Variants in IGSF11 observed in about 807,000 individuals in gnomAD.
The protein encoded by IGSF11 is immunoglobulin superfamily member 11.
Under a neutral mutation model 41.0 loss-of-function variants are expected in IGSF11, and 22 were observed. That is an observed-to-expected ratio of 0.54 (90% CI 0.38 to 0.77). The LOEUF (loss-of-function observed/expected upper bound fraction) is 0.77, where lower values mean the gene tolerates loss of function less well. Ranked by LOEUF, IGSF11 falls within the 30% of genes least tolerant of loss-of-function variation. The pLI is 0.00. For synonymous variants in IGSF11, 219 were observed against 201.3 expected, an observed-to-expected ratio of 1.09 and a Z score of -0.74; for missense variants, 444 against 530.8, an observed-to-expected ratio of 0.84 and a Z score of 1.61.
intron 1 of IGSF11, among the ~76,000 whole-genome samples, chr3:118,983,671 G>A (rs1481616372): frequency 1.3e-5 from 2 of 152,074 alleles, no homozygotes; most frequent in East Asian, 1.9e-4. Context: ...CAGACTCAGA[G>A]AGACTAAGTA....
At chr3:118,953,029 T>C (rs1367529024) in intron 1 of IGSF11, among the ~76,000 whole-genome samples, 1 of 152,044 alleles carries the variant, frequency 6.6e-6, no homozygotes, top group African/African-American at 2.4e-5. Context: ...ATCCAGTATG[T>C]AGTCTTTTAT....
intron 1 of IGSF11, among the ~76,000 whole-genome samples, chr3:118,952,302 G>C (rs1944631777): frequency 6.6e-6 from 1 of 152,118 alleles, no homozygotes; most frequent in African/African-American, 2.4e-5. Flanking sequence ...TGGCAACAGT[G>C]AAGTTTGCTA....
At chr3:119,000,299 A>C (rs1364750099) in intron 1 of IGSF11, among the ~76,000 whole-genome samples, 1 of 149,430 alleles carries the variant, frequency 6.7e-6, no homozygotes, top group Non-Finnish European at 1.5e-5. Flanking sequence ...CCATCTGTGC[A>C]CTCTTGATTC....
chr3:118,977,906 T>A (rs1934297597), intron 1 of IGSF11, among the ~76,000 whole-genome samples: 1 of 151,926 alleles, frequency 6.6e-6, no homozygotes, highest in Non-Finnish European at 1.5e-5. Context: ...CAGGCCCAGG[T>A]CAAGAGTCTA....
chr3:119,098,115 T>C (rs1001558362), intron 1 of IGSF11, among the ~76,000 whole-genome samples: 3 of 151,908 alleles, frequency 2.0e-5, no homozygotes, highest in Non-Finnish European at 4.4e-5. Context: ...GGTTTTCTTT[T>C]GGAGAACAAA....
In IGSF11 at chr3:119,056,203, A is replaced by G. The variant is rs193291904; in HGVS notation, c.49+48941T>C. On this transcript the variant is annotated intron_variant, in intron 1 of 6. Coordinates refer to the IGSF11 transcript ENST00000354673. ...CAGGAGCTGGTTTTTTGAAAAGATCAACAAAATTGATAGACTGCTAGCAAG... is the reference window on the plus strand; with the variant it reads ...CAGGAGCTGGTTTTTTGAAAAGATCGACAAAATTGATAGACTGCTAGCAAG... 2.9e-4 allele frequency among the ~76,000 whole-genome samples: 44 copies of G among 152,316 alleles called. 1 individual carries two copies. In the East Asian group the frequency reaches 8.1e-3, roughly 28 times the overall value.
intron 4 of IGSF11, among the ~76,000 whole-genome samples, chr3:118,910,048 A>C (rs1363792792): frequency 6.6e-6 from 1 of 152,200 alleles, no homozygotes; most frequent in African/African-American, 2.4e-5. Flanking sequence ...CAAAAGCTAC[A>C]AGCAAGACCA....
At chr3:119,133,762 A>T (rs2077517446) in intron 1 of IGSF11, among the ~76,000 whole-genome samples, 1 of 152,240 alleles carries the variant, frequency 6.6e-6, no homozygotes, top group Non-Finnish European at 1.5e-5. Context: ...GAAGAGACTC[A>T]ACAACAAAAA....
At chr3:118,983,358 C>CTTCT (rs1934937091) in intron 1 of IGSF11, 1 of 152,112 alleles carries the variant, frequency 6.6e-6, no homozygotes, top group Admixed American at 6.5e-5. Flanking sequence ...AGATTCAAAT[C>CTTCT]TAAGAAGTGT....
At position 118,901,489 on chromosome 3, in the gene IGSF11, G is replaced by C. The variant is rs1938848591; in HGVS notation, c.*1031C>G. On this transcript the variant is annotated 3_prime_UTR_variant, in exon 7 of 7. Transcript: ENST00000393775. Reference sequence around the variant, plus strand: ...TTAACTTCTACTTGTCAAATAAGGAGAAAGTTACATACCTCAGTACAAAAG... The same window carrying C: ...TTAACTTCTACTTGTCAAATAAGGACAAAGTTACATACCTCAGTACAAAAG... 1.3e-5 allele frequency: 2 copies of C among 152,246 alleles called. No homozygotes were observed. The highest frequency in any genetic ancestry group is 4.1e-4 in the South Asian group (2 of 4,820). 9.4% of individuals were successfully genotyped at this position (152,246 alleles called of 1,614,324 possible).
chr3:118,992,272 A>G (rs1283740444), intron 1 of IGSF11, among the ~76,000 whole-genome samples: 1 of 152,242 alleles, frequency 6.6e-6, no homozygotes, highest in Admixed American at 6.5e-5. Context: ...TAGCAGACAT[A>G]AGGTAAGTCT....
chr3:118,922,333 T>C (rs879936148), intron 4 of IGSF11, among the ~76,000 whole-genome samples: 1 of 152,140 alleles, frequency 6.6e-6, no homozygotes, highest in Non-Finnish European at 1.5e-5. Flanking sequence ...GGTATATATT[T>C]TGATATACAT....
intron 1 of IGSF11, among the ~76,000 whole-genome samples, chr3:119,076,247 T>C (rs1408377611): frequency 2.6e-5 from 4 of 152,192 alleles, no homozygotes; most frequent in Admixed American, 6.5e-5. Context: ...TTACACCTTA[T>C]ACAAACATTA....
intron 1 of IGSF11, among the ~76,000 whole-genome samples, chr3:119,034,225 T>C (rs549183304): frequency 6.6e-6 from 1 of 152,310 alleles, no homozygotes; most frequent in East Asian, 1.9e-4. Flanking sequence ...GAGTTCGTTA[T>C]CTAAAAAGGA....
intron 2 of IGSF11, among the ~76,000 whole-genome samples, chr3:118,929,409 T>G (rs1325547565): frequency 1.3e-5 from 2 of 152,186 alleles, no homozygotes; most frequent in African/African-American, 4.8e-5. Flanking sequence ...AAAAGAAGCT[T>G]CTATTTAATT....
At chr3:119,138,709 A>T (rs766374877) in intron 1 of IGSF11, among the ~76,000 whole-genome samples, 1 of 152,136 alleles carries the variant, frequency 6.6e-6, no homozygotes, top group Non-Finnish European at 1.5e-5. Flanking sequence ...GGATCCTGTC[A>T]TTTGCAACAA....
chr3:119,011,945 CTGTGTGTGTGTG>C (rs1553711932), intron 1 of IGSF11, among the ~76,000 whole-genome samples: 2 of 148,486 alleles, frequency 1.3e-5, no homozygotes, highest in African/African-American at 4.9e-5. Context: ...ATATAGTGTT[CTGTGTGTGTGTG>C]TGTGTGTGTG....
In IGSF11 at chr3:119,077,218, C is replaced by G. The variant is rs541835969; in HGVS notation, c.49+27926G>C. Among the ~76,000 whole-genome samples the G allele has an allele frequency of 4.0e-5, 6 of 151,238 alleles. No individual in the cohort carries two copies. The East Asian group carries it at 1.2e-3, about 30-fold the overall frequency. ...TCACTCATAGGTGGGAATTGAACAA[C>G]GAGAACACTTGGACACAGGAAGGGG... On this transcript the variant is annotated intron_variant, in intron 1 of 6. Coordinates refer to the IGSF11 transcript ENST00000354673.
intron 4 of IGSF11, among the ~76,000 whole-genome samples, chr3:118,924,205 G>A (rs937266924): frequency 3.9e-5 from 6 of 152,058 alleles, no homozygotes; most frequent in East Asian, 1.9e-4. Flanking sequence ...TGGCCAGAGC[G>A]AGTTCCCTCA....
Sources: allele counts gnomAD v4.1 joint callset (sites outside exome capture counted in the v4.1 genomes callset), GRCh38; gene constraint gnomAD v4.1.1; transcripts MANE v1.5; gene names NCBI Gene and HGNC (gene_info 2026-07-23, HGNC 2026-07-21).